The following VPS13B variants were observed in gnomAD, a reference collection of about 807,000 sequenced individuals.
VPS13B encodes vacuolar protein sorting 13 homolog B.
Under a neutral mutation model 426.4 loss-of-function variants are expected in VPS13B, and 285 were observed. The ratio of observed to expected loss-of-function variants is 0.67; its 90% CI spans 0.61 to 0.74. The LOEUF (loss-of-function observed/expected upper bound fraction) is 0.74, where lower values mean the gene tolerates loss of function less well. Among genes scored for constraint, VPS13B ranks in the 30% least tolerant of loss-of-function variants. The pLI is 0.00. For missense variants in VPS13B, 4,537 were observed against 4,782.6 expected, an observed-to-expected ratio of 0.95 and a Z score of 1.51; for synonymous variants, 1,676 against 1,676.4, an observed-to-expected ratio of 1.00 and a Z score of 0.01.
At chr8:99,684,379 A>G (rs1340459000) in intron 35 of VPS13B, among the ~76,000 whole-genome samples, 2 of 152,062 alleles carry the variant, frequency 1.3e-5, no homozygotes, top group Non-Finnish European at 2.9e-5. Context: ...GAAAAGAAAG[A>G]AGGAAAACAA....
intron 22 of VPS13B, among the ~76,000 whole-genome samples, chr8:99,432,482 G>T (rs1157952729): frequency 1.3e-5 from 2 of 151,994 alleles, no homozygotes; most frequent in Non-Finnish European, 2.9e-5. Context: ...TAACAGCAGG[G>T]TGCTAAAATC....
chr8:99,584,945 A>G (rs1826234595), intron 33 of VPS13B, among the ~76,000 whole-genome samples: 1 of 152,102 alleles, frequency 6.6e-6, no homozygotes, highest in Non-Finnish European at 1.5e-5. Context: ...ATATAAATAC[A>G]CCTACTCGTG....
At chr8:99,358,546 GAA>G (rs1243712120) in intron 19 of VPS13B, among the ~76,000 whole-genome samples, 3 of 152,098 alleles carry the variant, frequency 2.0e-5, no homozygotes, top group African/African-American at 7.2e-5. Flanking sequence ...ATATTTATTC[GAA>G]AAGATTATAA....
intron 35 of VPS13B, among the ~76,000 whole-genome samples, chr8:99,683,556 C>T (rs1255558719): frequency 6.6e-6 from 1 of 152,154 alleles, no homozygotes; most frequent in Non-Finnish European, 1.5e-5. Flanking sequence ...TTTCAGCATA[C>T]AGATCCTATG....
chr8:99,378,710 G>A (rs1218324962), intron 19 of VPS13B, among the ~76,000 whole-genome samples: 1 of 152,126 alleles, frequency 6.6e-6, no homozygotes, highest in African/African-American at 2.4e-5. Context: ...TTTATATTCT[G>A]TATTCTAATA....
chr8:99,587,199 C>G (rs1826348536), intron 33 of VPS13B, among the ~76,000 whole-genome samples: 1 of 152,202 alleles, frequency 6.6e-6, no homozygotes, highest in Middle Eastern at 3.2e-3. Context: ...ATATATGCCA[C>G]ATTTTCTTAA....
intron 39 of VPS13B, among the ~76,000 whole-genome samples, chr8:99,764,324 G>C (rs765602249): frequency 1.3e-5 from 2 of 150,968 alleles, no homozygotes; most frequent in Non-Finnish European, 2.9e-5. Context: ...TATTTTTTAA[G>C]ACACATAGGA....
chr8:99,786,065 C>T (rs979324484), intron 43 of VPS13B, among the ~76,000 whole-genome samples: 1 of 152,126 alleles, frequency 6.6e-6, no homozygotes, highest in African/African-American at 2.4e-5. Context: ...ATTCTCTGGA[C>T]ACTGGAGCCA....
Position 99,170,144 on chromosome 8 carries a change from C to G in VPS13B, c.2314C>G (p.Leu772Val). 2.5e-6 allele frequency: 4 copies of G among 1,612,728 alleles called. No homozygotes were observed. The highest frequency in any genetic ancestry group is 2.5e-6 in the Non-Finnish European group (3 of 1,178,972). ...SFSTALYGKL[L>V]KLPTCWTKRS... ...CAGCACTGCTCTTTATGGGAAACTT[C>G]TGAAACTCCCCACATGCTGGTAAGT... is the stretch of plus-strand genomic sequence containing the variant. Residue 772 changes from leucine (L) to valine (V), a missense_variant, in exon 16 of 62, where the codon CTG becomes GTG. Around this residue, in one of 2 missense-constraint regions of VPS13B, gnomAD observed 4,311 missense variants for 4,474.3 expected, o/e 0.96. Transcript: ENST00000357162.
intron 17 of VPS13B, among the ~76,000 whole-genome samples, chr8:99,255,783 G>T (rs374093186): frequency 1.3e-5 from 2 of 152,022 alleles, no homozygotes; most frequent in South Asian, 4.2e-4. Context: ...TGTTATTGCC[G>T]CAGGTTGGTA....
intron 24 of VPS13B, among the ~76,000 whole-genome samples, chr8:99,481,313 A>G (rs1246075433): frequency 6.6e-6 from 1 of 152,138 alleles, no homozygotes; most frequent in Non-Finnish European, 1.5e-5. Context: ...AGGCATTTGT[A>G]TGTGTTCTAT....
At chr8:99,326,696 G>A (rs536513443) in intron 19 of VPS13B, among the ~76,000 whole-genome samples, 2 of 151,826 alleles carry the variant, frequency 1.3e-5, no homozygotes, top group South Asian at 4.2e-4. Flanking sequence ...ACCATGCCCA[G>A]CCATCCCTGC....
At chr8:99,359,627 C>G (rs1812383843) in intron 19 of VPS13B, among the ~76,000 whole-genome samples, 1 of 151,686 alleles carries the variant, frequency 6.6e-6, no homozygotes, top group Non-Finnish European at 1.5e-5. Flanking sequence ...GTTAGTCCAC[C>G]TTGTATATTT....
intron 33 of VPS13B, among the ~76,000 whole-genome samples, chr8:99,579,232 G>A (rs994226524): frequency 6.6e-6 from 1 of 152,064 alleles, no homozygotes; most frequent in Non-Finnish European, 1.5e-5. Context: ...CAGTGCACTG[G>A]AAGAATATGA....
At position 99,030,953 on chromosome 8, in the gene VPS13B, T is replaced by C. The variant is rs374336045; in HGVS notation, c.148-7470T>C. Among the ~76,000 whole-genome samples, 16 of 152,336 alleles carry C rather than the reference T, an allele frequency of 1.1e-4. No homozygotes were observed. In the East Asian group the frequency reaches 2.9e-3, roughly 27 times the overall value. On this transcript the variant is annotated intron_variant, in intron 2 of 61. Coordinates refer to ENST00000357162, the MANE Select transcript of VPS13B (RefSeq NM_152564.5). ...CTATTTCAGTATTTGATATTAGAAG[T>C]GGTTTGACTCTTTACAATATTGGTG...
intron 30 of VPS13B, among the ~76,000 whole-genome samples, chr8:99,528,866 A>G (rs1379471718): frequency 6.6e-6 from 1 of 152,110 alleles, no homozygotes; most frequent in Non-Finnish European, 1.5e-5. Flanking sequence ...TATTTAAGTA[A>G]ATACATTACC....
At chr8:99,687,209 T>C (rs1295489222) in intron 35 of VPS13B, among the ~76,000 whole-genome samples, 1 of 151,812 alleles carries the variant, frequency 6.6e-6, no homozygotes, top group Non-Finnish European at 1.5e-5. Flanking sequence ...TGCCTTATCC[T>C]GCTGTGGCTG....
At chr8:99,169,026 A>T (rs1554651577) in intron 15 of VPS13B, among the ~76,000 whole-genome samples, 1 of 152,012 alleles carries the variant, frequency 6.6e-6, no homozygotes, top group Non-Finnish European at 1.5e-5. Flanking sequence ...AGAAATTGAT[A>T]ATTATTTTAT....
intron 49 of VPS13B, 90 bp from the exon 50 acceptor site, chr8:99,821,204 A>G: frequency 7.6e-7 from 1 of 1,308,632 alleles, no homozygotes; most frequent in South Asian, 1.3e-5. Flanking sequence ...TAGACCTATT[A>G]TATAATATTA....
Sources: gnomAD v4.1 joint callset for allele counts (sites outside exome capture counted in the v4.1 genomes callset) on GRCh38, gnomAD v4.1.1 for gene constraint, gnomAD v4.1.1 regional missense constraint, MANE v1.5 for transcripts, NCBI Gene and HGNC (gene_info 2026-07-23, HGNC 2026-07-21) for gene names.